The following BABAM2 variants were observed in gnomAD, a reference collection of about 807,000 sequenced individuals.
BABAM2 encodes BRISC and BRCA1 A complex member 2.
A neutral mutation model predicts 54.7 loss-of-function variants in BABAM2; 31 were observed. The ratio of observed to expected loss-of-function variants is 0.57; its 90% confidence interval spans 0.43 to 0.77. BABAM2 has a LOEUF of 0.77. BABAM2 is among the 30% of genes least tolerant of loss of function. The pLI is 0.00. For missense variants in BABAM2, 364 were observed against 455.8 expected (o/e 0.80, Z 1.83); for synonymous variants, 167 against 162.9 (o/e 1.03, Z -0.19).
intron 10 of BABAM2, among the ~76,000 whole-genome samples, chr2:28,253,202 A>G (rs1683656256): frequency 6.6e-6 from 1 of 152,016 alleles, no homozygotes; most frequent in Admixed American, 6.6e-5. Context: ...TCAGGAGTTC[A>G]AGACTTGGCC....
intron 7 of BABAM2, among the ~76,000 whole-genome samples, chr2:28,232,107 G>A (rs1316141654): frequency 6.6e-6 from 1 of 152,114 alleles, no homozygotes; most frequent in Non-Finnish European, 1.5e-5. Context: ...TGCCTGGTCA[G>A]GTGTCTTTGA....
At position 28,258,610 on chromosome 2, in the gene BABAM2, C is replaced by CTTTTCTT. The variant is rs1265053754; in HGVS notation, c.934+13753_934+13759dup. Among the ~76,000 whole-genome samples, 72 of 26,282 alleles carry CTTTTCTT rather than the reference C, an allele frequency of 2.7e-3. 3 individuals are homozygous for CTTTTCTT. Among genetic ancestry groups the CTTTTCTT allele is most frequent in the African/African-American group, 5.8e-3 (55 of 9,478 alleles). 17.2% of individuals were successfully genotyped at this position (26,282 alleles called of 152,430 possible). On this transcript the variant is annotated intron_variant, in intron 10 of 11. Transcript: ENST00000379624. ...ATCTGCTTAAGTCTTTTTCTTTTTT[C>CTTTTCTT]TTTTCTTTTTTTTTTTTTTTTGAGA... is the stretch of plus-strand genomic sequence containing the variant.
intron 11 of BABAM2, among the ~76,000 whole-genome samples, chr2:28,336,479 G>A (rs1691477127): frequency 1.3e-5 from 2 of 152,262 alleles, no homozygotes; most frequent in African/African-American, 2.4e-5. Context: ...CTGGGCTAGC[G>A]GTGCTGCAGG....
chr2:28,192,973 G>A (rs1030796369), intron 7 of BABAM2, among the ~76,000 whole-genome samples: 4 of 151,754 alleles, frequency 2.6e-5, no homozygotes, highest in African/African-American at 9.7e-5. Flanking sequence ...AGGAGTTCGA[G>A]ACCAGCCTGG....
At chr2:28,271,180 C>T (rs187186739) in intron 10 of BABAM2, among the ~76,000 whole-genome samples, 38 of 152,336 alleles carry the variant, frequency 2.5e-4, no homozygotes, top group Non-Finnish European at 5.3e-4. Context: ...AGCTGCTTCA[C>T]ATATATGGAC....
At chr2:28,066,377 G>T (rs980675471) in intron 6 of BABAM2, among the ~76,000 whole-genome samples, 3 of 151,898 alleles carry the variant, frequency 2.0e-5, no homozygotes, top group Non-Finnish European at 4.4e-5. Context: ...TATTGTTTGG[G>T]AATATTATTA....
chr2:27,946,108 G>A (rs953836891), intron 3 of BABAM2, among the ~76,000 whole-genome samples: 8 of 151,972 alleles, frequency 5.3e-5, no homozygotes, highest in Admixed American at 1.3e-4. Flanking sequence ...TGCCTTATTC[G>A]CAGTCTTAAG....
intron 6 of BABAM2, among the ~76,000 whole-genome samples, chr2:28,103,578 G>T (rs111275406): frequency 1.8e-4 from 28 of 152,286 alleles, no homozygotes; most frequent in African/African-American, 6.5e-4. Flanking sequence ...CAAAGTGTTG[G>T]GATGACAGGC....
At chr2:28,301,298 T>G (rs2148250021) in intron 11 of BABAM2, among the ~76,000 whole-genome samples, 1 of 152,362 alleles carries the variant, frequency 6.6e-6, no homozygotes, top group Non-Finnish European at 1.5e-5. Flanking sequence ...GGACACTTCC[T>G]GGCACTGACC....
intron 4 of BABAM2, among the ~76,000 whole-genome samples, 168 bp from the exon 5 acceptor site, chr2:28,025,058 A>G (rs1675547629): frequency 6.6e-6 from 1 of 152,154 alleles, no homozygotes; most frequent in Non-Finnish European, 1.5e-5. Context: ...AATTGCCAAT[A>G]TCAAAAGATT....
At chr2:28,167,268 C>G (rs748967594) in intron 7 of BABAM2, among the ~76,000 whole-genome samples, 1 of 152,052 alleles carries the variant, frequency 6.6e-6, no homozygotes, top group African/African-American at 2.4e-5. Context: ...GACTTGGTGA[C>G]CAATGAATAG....
intron 7 of BABAM2, among the ~76,000 whole-genome samples, chr2:28,166,742 T>A (rs190526323): frequency 1.8e-4 from 28 of 152,204 alleles, no homozygotes; most frequent in Non-Finnish European, 3.8e-4. Flanking sequence ...CAGTGATAAG[T>A]AATGCCTTTC....
intron 5 of BABAM2, among the ~76,000 whole-genome samples, chr2:28,029,825 G>A (rs146052984): frequency 3.3e-4 from 50 of 152,226 alleles, no homozygotes; most frequent in Admixed American, 5.9e-4. Flanking sequence ...AACAGTGCAT[G>A]GTTCAGACTT....
chr2:28,276,206 A>G (rs1685865144), intron 10 of BABAM2, among the ~76,000 whole-genome samples: 1 of 152,200 alleles, frequency 6.6e-6, no homozygotes, highest in South Asian at 2.1e-4. Flanking sequence ...GTAAAAGGCT[A>G]GATCGCTCAT....
At chr2:27,936,777 A>G (rs10184052) in intron 3 of BABAM2, among the ~76,000 whole-genome samples, 97,137 of 151,008 alleles carry the variant, frequency 0.64, 33,237 homozygotes, top group Middle Eastern at 0.8. Flanking sequence ...GAAGGGGAAC[A>G]TCACACTCTG....
At chr2:27,952,408 G>T (rs928964126) in intron 3 of BABAM2, among the ~76,000 whole-genome samples, 5 of 152,172 alleles carry the variant, frequency 3.3e-5, no homozygotes, top group Admixed American at 6.6e-5. Context: ...TATGGCACTG[G>T]TAATGCTGTC....
At chr2:28,103,105 T>C (rs925064332) in intron 6 of BABAM2, among the ~76,000 whole-genome samples, 3 of 152,000 alleles carry the variant, frequency 2.0e-5, no homozygotes, top group African/African-American at 7.3e-5. Context: ...AGTATTTGTT[T>C]TTTGGGAAAA....
intron 7 of BABAM2, among the ~76,000 whole-genome samples, chr2:28,193,841 C>A (rs2147929132): frequency 6.6e-6 from 1 of 152,198 alleles, no homozygotes; most frequent in African/African-American, 2.4e-5. Flanking sequence ...TGCTAAGTAC[C>A]TGGCAAGTGT....
At chr2:27,905,516 A>C (rs147888506) in intron 2 of BABAM2, among the ~76,000 whole-genome samples, 1 of 152,338 alleles carries the variant, frequency 6.6e-6, no homozygotes, top group East Asian at 1.9e-4. Context: ...CACTTACAGT[A>C]GTGCTTGGTC....
Sources: gnomAD v4.1 joint callset for allele counts (sites outside exome capture counted in the v4.1 genomes callset) on GRCh38, gnomAD v4.1.1 for gene constraint, MANE v1.5 for transcripts, NCBI Gene and HGNC (gene_info 2026-07-23, HGNC 2026-07-21) for gene names.